The following SHISA6 variants were observed in gnomAD, a reference collection of about 807,000 sequenced individuals.
SHISA6 encodes the protein protein shisa-6.
Under a neutral mutation model 47.9 loss-of-function variants are expected in SHISA6, and 22 were observed. The ratio of observed to expected loss-of-function variants is 0.46; its 90% confidence interval spans 0.33 to 0.66. The LOEUF (loss-of-function observed/expected upper bound fraction) is 0.66, where lower values mean the gene tolerates loss of function less well. Among genes scored for constraint, SHISA6 ranks in the 30% least tolerant of loss-of-function variants. SHISA6 has a pLI of 0.02. For missense variants in SHISA6, 680 were observed against 764.6 expected, an observed-to-expected ratio of 0.89 and a Z score of 1.30; for synonymous variants, 388 against 337.8, an observed-to-expected ratio of 1.15 and a Z score of -1.63.
chr17:11,294,654 C>T (rs1166226417), intron 2 of SHISA6, among the ~76,000 whole-genome samples: 1 of 152,146 alleles, frequency 6.6e-6, no homozygotes, highest in Non-Finnish European at 1.5e-5. Context: ...ATACAGTATT[C>T]CTCCCTATCT....
In SHISA6 at chr17:11,487,946, A is replaced by G. The variant is rs553155166; in HGVS notation, c.896-63950A>G. On this transcript the variant is annotated intron_variant, in intron 3 of 5. Coordinates refer to ENST00000441885, the MANE Select transcript of SHISA6 (RefSeq NM_207386.4). ...AAATGTTTGCCCAAGTTGCCTTGAA[A>G]GGCAAAAACCCATTTAAATCCCATT... Among the ~76,000 whole-genome samples, 5 of 152,366 alleles carry G rather than the reference A, an allele frequency of 3.3e-5. No homozygotes were observed. The East Asian group carries it at 7.7e-4, about 23-fold the overall frequency.
At chr17:11,416,082 G>A (rs563202569) in intron 3 of SHISA6, among the ~76,000 whole-genome samples, 1 of 152,116 alleles carries the variant, frequency 6.6e-6, no homozygotes, top group South Asian at 2.1e-4. Flanking sequence ...ATTCCATTTG[G>A]GGGGTGGGCT....
chr17:11,277,280 TCACACACACACA>T (rs113287260), intron 2 of SHISA6, among the ~76,000 whole-genome samples: 6 of 53,866 alleles, frequency 1.1e-4, no homozygotes, highest in African/African-American at 2.9e-4. Flanking sequence ...TCTCTCTCTC[TCACACACACACA>T]CACACACACA....
chr17:11,443,544 G>T (rs1915148157), intron 3 of SHISA6, among the ~76,000 whole-genome samples: 1 of 152,186 alleles, frequency 6.6e-6, no homozygotes, highest in Non-Finnish European at 1.5e-5. Context: ...CTGAGTAGAG[G>T]CATGGTTGTA....
chr17:11,334,326 GAA>G (rs750779559), intron 2 of SHISA6, among the ~76,000 whole-genome samples: 1 of 149,822 alleles, frequency 6.7e-6, no homozygotes, highest in Non-Finnish European at 1.5e-5. Flanking sequence ...TTGATGTAAG[GAA>G]AAAAAAAATT....
intron 2 of SHISA6, among the ~76,000 whole-genome samples, chr17:11,329,395 G>C (rs969528782): frequency 1.3e-5 from 2 of 152,104 alleles, no homozygotes; most frequent in African/African-American, 4.8e-5. Context: ...ATGGGGGTAG[G>C]GTTACCATTT....
intron 3 of SHISA6, among the ~76,000 whole-genome samples, chr17:11,488,394 T>C (rs1916402708): frequency 6.6e-6 from 1 of 152,150 alleles, no homozygotes; most frequent in African/African-American, 2.4e-5. Context: ...AGATTAGAAT[T>C]ACTAGTTTCT....
chr17:11,556,281 A>T (rs2071978884), intron 5 of SHISA6, among the ~76,000 whole-genome samples: 1 of 151,846 alleles, frequency 6.6e-6, no homozygotes, highest in Non-Finnish European at 1.5e-5. Context: ...TTTCTCTGAG[A>T]CCTCTCCCAG....
intron 2 of SHISA6, among the ~76,000 whole-genome samples, chr17:11,360,567 A>G (rs1002475217): frequency 7.1e-6 from 1 of 140,660 alleles, no homozygotes; most frequent in Non-Finnish European, 1.6e-5. Context: ...CTCAAGAAGG[A>G]AAAAAAAAAA....
chr17:11,507,319 G>A lies in SHISA6; in HGVS notation c.896-44577G>A, dbSNP rs149509843. On this transcript the variant is annotated intron_variant, in intron 3 of 5. Transcript: ENST00000441885. The stretch of plus-strand genomic sequence containing the variant: ...GGAGCACATAAGACCTGCCACCTAC[G>A]TCAAGCACAGGCTTTCTTGGCCCCG... 6.4e-3 allele frequency among the ~76,000 whole-genome samples: 967 copies of A among 152,242 alleles called. 12 individuals are homozygous for A. The highest frequency in any genetic ancestry group is 0.022 in the African/African-American group (924 of 41,546).
At chr17:11,299,539 T>A (rs1366777622) in intron 2 of SHISA6, among the ~76,000 whole-genome samples, 1 of 152,190 alleles carries the variant, frequency 6.6e-6, no homozygotes, top group African/African-American at 2.4e-5. Context: ...CCAAAATAGC[T>A]TTCACTGGGC....
At chr17:11,388,800 A>ATATATATATATATAT (rs1452993225) in intron 3 of SHISA6, among the ~76,000 whole-genome samples, 4 of 46,082 alleles carry the variant, frequency 8.7e-5, no homozygotes, top group African/African-American at 4.0e-4. Flanking sequence ...TTATATATAT[A>ATATATATATATATAT]TATATATATA....
chr17:11,424,719 A>AG (rs953722210), intron 3 of SHISA6, among the ~76,000 whole-genome samples: 1 of 151,046 alleles, frequency 6.6e-6, no homozygotes, highest in Non-Finnish European at 1.5e-5. Context: ...ATAAAAAAAA[A>AG]CAGGCCAGGC....
In SHISA6 at chr17:11,379,457, C is replaced by T. The variant is rs1597484442; in HGVS notation, c.843C>T (p.Leu281=). The T allele has an allele frequency of 6.5e-7, 1 of 1,543,368 alleles. No homozygotes were observed. Among genetic ancestry groups the T allele is most frequent in the Non-Finnish European group, 8.7e-7 (1 of 1,143,474 alleles). Reference sequence around the variant, plus strand: ...CTTACCGAAGTGGAGGACCTGATCTCCATAACTTCATCTCATCTGGATTTG... The same window carrying T: ...CTTACCGAAGTGGAGGACCTGATCTTCATAACTTCATCTCATCTGGATTTG... ...KDAYRSGGPD[L]HNFISSGFVT... The change falls in exon 3 of 6, where the codon CTC becomes CTT. Residue 281 remains leucine (L), a synonymous_variant. Transcript: ENST00000441885.
chr17:11,381,541 G>A (rs896516502), intron 3 of SHISA6, among the ~76,000 whole-genome samples: 6 of 152,216 alleles, frequency 3.9e-5, no homozygotes, highest in African/African-American at 1.4e-4. Context: ...GGGAATTGGG[G>A]AAGTAGAAAG....
In SHISA6 at chr17:11,522,867, CA is replaced by C. The variant is rs572083481; in HGVS notation, c.896-29027del. On this transcript the variant is annotated intron_variant, in intron 3 of 5. Coordinates refer to ENST00000441885, the MANE Select transcript of SHISA6 (RefSeq NM_207386.4). ...GAAATATTTTATACTGACTTGCATG[CA>C]ATAATACTTTACACGTAGGCTTCCA... 5.3e-5 allele frequency among the ~76,000 whole-genome samples: 8 copies of C among 152,330 alleles called. No individual in the cohort carries two copies. The East Asian group carries it at 1.4e-3, about 26-fold the overall frequency.
At chr17:11,416,406 G>A (rs1293332654) in intron 3 of SHISA6, among the ~76,000 whole-genome samples, 2 of 152,184 alleles carry the variant, frequency 1.3e-5, no homozygotes, top group Non-Finnish European at 2.9e-5. Flanking sequence ...TACTTGGGAT[G>A]ATGTGAACTG....
intron 2 of SHISA6, chr17:11,288,116 A>C (rs1186068278): frequency 2.0e-5 from 3 of 152,316 alleles, no homozygotes; most frequent in Non-Finnish European, 2.9e-5. Context: ...TTAAGGATGA[A>C]TCTGAAAAGA....
chr17:11,506,199 A>G (rs530465726), intron 3 of SHISA6, among the ~76,000 whole-genome samples: 110 of 152,130 alleles, frequency 7.2e-4, no homozygotes, highest in Non-Finnish European at 1.3e-3. Context: ...CTCTTCCCTC[A>G]CCCCAACATA....
Sources: gnomAD v4.1 joint callset for allele counts (sites outside exome capture counted in the v4.1 genomes callset) on GRCh38, gnomAD v4.1.1 for gene constraint, MANE v1.5 for transcripts, NCBI Gene and HGNC (gene_info 2026-07-23, HGNC 2026-07-21) for gene names.